COL6A6: variants seen among roughly 807,000 people sequenced by gnomAD.
COL6A6 encodes collagen type VI alpha 6 chain, also known as collagen alpha-6(VI) chain.
In COL6A6, 183 loss-of-function variants were observed where a neutral mutation model predicts 208.6. The observed-to-expected ratio is 0.88, with a 90% CI of 0.78 to 0.99. The LOEUF (loss-of-function observed/expected upper bound fraction) is 0.99, where lower values mean the gene tolerates loss of function less well. COL6A6 is among the 50% of genes least tolerant of loss of function. The pLI, the probability that COL6A6 is intolerant of heterozygous loss-of-function variation, is 0.00. For missense variants in COL6A6, 2,816 were observed against 2,815.2 expected (o/e 1.00, Z -0.01); for synonymous variants, 973 against 1,011.8 (o/e 0.96, Z 0.73).
At chr3:130,603,668 CTG>C (rs1226271289) in intron 20 of COL6A6, among the ~76,000 whole-genome samples, 1 of 152,174 alleles carries the variant, frequency 6.6e-6, no homozygotes, top group Non-Finnish European at 1.5e-5. Flanking sequence ...GTCTAGAGGG[CTG>C]TTAGTTATGA....
chr3:130,652,427 C>G (rs911540820), intron 33 of COL6A6, among the ~76,000 whole-genome samples: 1 of 152,162 alleles, frequency 6.6e-6, no homozygotes, highest in African/African-American at 2.4e-5. Flanking sequence ...CTCGGACTTG[C>G]TATGGAGTCA....
chr3:130,589,208 T>C (rs763548806), intron 12 of COL6A6, 26 bp downstream of exon 12: 1 of 1,543,214 alleles, frequency 6.5e-7, no homozygotes, highest in Non-Finnish European at 9.0e-7. Context: ...ATTTATGGGT[T>C]ACTTTGAGTT....
chr3:130,606,316 C>T (rs540361327), intron 20 of COL6A6, among the ~76,000 whole-genome samples: 11 of 152,138 alleles, frequency 7.2e-5, no homozygotes, highest in African/African-American at 2.2e-4. Flanking sequence ...CAGGAAAACT[C>T]GATTATGTAG....
At chr3:130,563,885 G>T (rs2062954974) in intron 3 of COL6A6, among the ~76,000 whole-genome samples, 1 of 152,170 alleles carries the variant, frequency 6.6e-6, no homozygotes, top group Non-Finnish European at 1.5e-5. Flanking sequence ...TGTGTTGCCT[G>T]ACATTCACAG....
At chr3:130,657,823 A>G (rs2065833853) in intron 33 of COL6A6, among the ~76,000 whole-genome samples, 1 of 152,244 alleles carries the variant, frequency 6.6e-6, no homozygotes, top group African/African-American at 2.4e-5. Flanking sequence ...GAGGGTAGTC[A>G]TTAGCTTAGG....
At chr3:130,525,539 G>A (rs576182615) in intron 1 of COL6A6, among the ~76,000 whole-genome samples, 60 of 152,206 alleles carry the variant, frequency 3.9e-4, no homozygotes, top group African/African-American at 1.3e-3. Flanking sequence ...CTCACAAATC[G>A]TTTCAAGTAT....
At chr3:130,617,051 T>G (rs2064551313) in intron 23 of COL6A6, among the ~76,000 whole-genome samples, 1 of 152,164 alleles carries the variant, frequency 6.6e-6, no homozygotes, top group South Asian at 2.1e-4. Flanking sequence ...GCTCAAAGAA[T>G]GCAGGTCACC....
intron 3 of COL6A6, among the ~76,000 whole-genome samples, chr3:130,564,752 A>G (rs984547115): frequency 4.6e-5 from 7 of 152,264 alleles, no homozygotes; most frequent in African/African-American, 1.2e-4. Flanking sequence ...TTAAATCCCC[A>G]TAACAACTCT....
intron 20 of COL6A6, among the ~76,000 whole-genome samples, chr3:130,602,595 A>G (rs891288693): frequency 3.9e-5 from 6 of 152,232 alleles, no homozygotes; most frequent in Non-Finnish European, 8.8e-5. Context: ...GAAGAAAGCA[A>G]GTTGGCAGGG....
At chr3:130,627,708 T>C (rs1378267900) in intron 26 of COL6A6, among the ~76,000 whole-genome samples, 1 of 152,212 alleles carries the variant, frequency 6.6e-6, no homozygotes, top group Non-Finnish European at 1.5e-5. Flanking sequence ...ATCAGTCCTC[T>C]TATTATTATG....
Position 130,649,080 on chromosome 3 carries a change from T to C in COL6A6, c.5251T>C (p.Cys1751Arg), listed in dbSNP as rs1165195370. ...ATATGGTCTTTTAGGAAAACCGGAA[T>C]GCCCAGTGCACCCAACCGAGTTGGT... ...RSPGRHGKPE[C>R]PVHPTELVFA... The change falls in exon 33 of 37, where the codon TGC (cysteine) becomes CGC (arginine). Residue 1751 changes from cysteine to arginine, a missense_variant. Physicochemically the swap from Cys to Arg is radical, Grantham distance 180. Coordinates refer to ENST00000358511, the MANE Select transcript of COL6A6 (RefSeq NM_001102608.3). The C allele has an allele frequency of 5.1e-6, 8 of 1,562,394 alleles. No homozygotes were observed. Among genetic ancestry groups the C allele is most frequent in the Non-Finnish European group, 6.9e-6 (8 of 1,152,452 alleles).
intron 31 of COL6A6, among the ~76,000 whole-genome samples, chr3:130,643,323 G>A (rs936145957): frequency 2.6e-5 from 4 of 152,076 alleles, no homozygotes; most frequent in African/African-American, 9.7e-5. Context: ...AGAGTCACAC[G>A]GAACTTTTTA....
At chr3:130,656,988 G>T (rs2065808314) in intron 33 of COL6A6, among the ~76,000 whole-genome samples, 1 of 152,234 alleles carries the variant, frequency 6.6e-6, no homozygotes. Flanking sequence ...GGTTTCCCAG[G>T]TCTCCAAGAG....
chr3:130,643,634 TG>T (rs2065381627), intron 31 of COL6A6, among the ~76,000 whole-genome samples: 1 of 152,224 alleles, frequency 6.6e-6, no homozygotes, highest in Non-Finnish European at 1.5e-5. Context: ...TCTAACAGCT[TG>T]TTCTATCAAA....
chr3:130,596,147 T>C (rs538343314), intron 18 of COL6A6, among the ~76,000 whole-genome samples: 1 of 152,304 alleles, frequency 6.6e-6, no homozygotes, highest in East Asian at 1.9e-4. Flanking sequence ...AATTTGCGCA[T>C]GAGGAAAACA....
chr3:130,524,333 A>G (rs549159025), intron 1 of COL6A6, among the ~76,000 whole-genome samples: 1 of 152,354 alleles, frequency 6.6e-6, no homozygotes, highest in East Asian at 1.9e-4. Context: ...CACTTACCTA[A>G]TAGTCCATAG....
At position 130,676,525 on chromosome 3, in the gene COL6A6, T is replaced by C. The variant is rs923058457; in HGVS notation, c.*1128T>C. 6.6e-6 allele frequency: 1 copy of C among 152,200 alleles called. No homozygotes were observed. Among genetic ancestry groups the C allele is most frequent in the Non-Finnish European group, 1.5e-5 (1 of 68,048 alleles). The allele number at this position is 152,200 out of a possible 1,614,324, so 9.4% of individuals were successfully genotyped here. A position where few individuals can be genotyped will look rare whatever the true frequency, so the allele number is the denominator to read the frequency against. On this transcript the variant is annotated 3_prime_UTR_variant, in exon 37 of 37. Transcript: ENST00000358511. ...CTCAGTCTAAGAGCTGGCTCCACAG[T>C]TGGTAGCAATGGCCCTGTTAGGCAG...
chr3:130,659,496 T>TA (rs1319392390), intron 34 of COL6A6, among the ~76,000 whole-genome samples: 1 of 152,368 alleles, frequency 6.6e-6, no homozygotes, highest in East Asian at 1.9e-4. Flanking sequence ...AGTTAATACT[T>TA]AAACTATTGT....
At position 130,563,382 on chromosome 3, in the gene COL6A6, G is replaced by C. The variant is rs938407234; in HGVS notation, c.379G>C (p.Asp127His). 1 of 1,614,002 alleles carries C rather than the reference G, an allele frequency of 6.2e-7. No individual in the cohort carries two copies. Among genetic ancestry groups the C allele is most frequent in the African/African-American group, 1.3e-5 (1 of 75,036 alleles). Residue 127 changes from aspartate to histidine, a missense_variant, in exon 3 of 37, where the codon GAC (aspartate) becomes CAC (histidine). By Grantham distance (81) the Asp-to-His change is moderately conservative. Coordinates refer to ENST00000358511, the MANE Select transcript of COL6A6 (RefSeq NM_001102608.3). Reference sequence around the variant, plus strand: ...TTTCTCTGCACCCGCAAATGGGAGAGACAAGAAACAGTTTCCCCCAATTCT... The same window carrying C: ...TTTCTCTGCACCCGCAAATGGGAGACACAAGAAACAGTTTCCCCCAATTCT... ...TYFSAPANGR[D>H]KKQFPPILVV... is the part of the protein sequence containing the mutation.
Sources: gnomAD v4.1 joint callset for allele counts (sites outside exome capture counted in the v4.1 genomes callset) on GRCh38, gnomAD v4.1.1 for gene constraint, MANE v1.5 for transcripts, NCBI Gene and HGNC (gene_info 2026-07-23, HGNC 2026-07-21) for gene names.